The following RNF214 variants were observed in gnomAD, a reference collection of about 807,000 sequenced individuals.
RNF214 encodes the protein ring finger protein 214.
RNF214 carries 25 observed loss-of-function variants against 75.9 expected under a neutral mutation model. The observed-to-expected ratio is 0.33, with a 90% CI of 0.24 to 0.46. The LOEUF (loss-of-function observed/expected upper bound fraction) is 0.46. RNF214 is among the 20% of genes least tolerant of loss of function. RNF214 has a pLI of 1.00. For missense variants in RNF214, 725 were observed against 857.5 expected (o/e 0.85, Z 1.93); for synonymous variants, 314 against 308.8 (o/e 1.02, Z -0.18).
At chr11:117,279,253 G>A (rs2034077466) in intron 6 of RNF214, among the ~76,000 whole-genome samples, 1 of 152,064 alleles carries the variant, frequency 6.6e-6, no homozygotes, top group Non-Finnish European at 1.5e-5. Flanking sequence ...CTTCAATGGA[G>A]GGCTTTTGTT....
chr11:117,262,248 G>A (rs1284390627), intron 6 of RNF214, among the ~76,000 whole-genome samples: 4 of 151,498 alleles, frequency 2.6e-5, no homozygotes, highest in Admixed American at 2.0e-4. Context: ...CACCACGCCC[G>A]GCTAATTTTT....
rs754499333 is a variant in RNF214 at position 117,239,059 on chromosome 11, A to G, written c.566A>G (p.Asp189Gly). The change falls in exon 3 of 15, where the codon GAT becomes GGT. Residue 189 changes from aspartate (D) to glycine (G), a missense_variant. Asp to Gly is a moderately conservative substitution (Grantham distance 94). Transcript: ENST00000300650. ...GTTGAAGGAGTCCGAGTGGATCAGG[A>G]TGATGATCAAGATAGCTCTTCCCTG... ...NGVEGVRVDQDDDQDSSSLKL... is the reference protein window; with the variant it reads ...NGVEGVRVDQGDDQDSSSLKL... 3 of 1,614,026 alleles carry G rather than the reference A, an allele frequency of 1.9e-6. No individual in the cohort carries two copies. The highest frequency in any genetic ancestry group is 2.2e-5 in the South Asian group (2 of 91,088).
rs1484195522 is a variant in RNF214 at position 117,251,317 on chromosome 11, G to A, written c.959+4369G>A. Among the ~76,000 whole-genome samples, 765 of 113,372 alleles carry A rather than the reference G, an allele frequency of 6.7e-3. 1 individual carries two copies. The highest frequency in any genetic ancestry group is 0.01 in the Non-Finnish European group (552 of 53,682). The allele number at this position is 113,372 out of a possible 152,430, so 74.4% of individuals were successfully genotyped here. On this transcript the variant is annotated intron_variant, in intron 6 of 14. Transcript: ENST00000300650. The stretch of plus-strand genomic sequence containing the variant: ...GGGCAGAGGGGCTCCTCACTTCCCA[G>A]TAGGGGCGGCCGGGCAGAGGCGCCC...
intron 6 of RNF214, among the ~76,000 whole-genome samples, chr11:117,265,241 GGTC>G (rs894371183): frequency 2.0e-5 from 3 of 151,800 alleles, no homozygotes; most frequent in African/African-American, 7.3e-5. Context: ...ATTTTAATTT[GGTC>G]GTCTTCTTCC....
intron 8 of RNF214, among the ~76,000 whole-genome samples, chr11:117,280,533 G>T (rs150439414): frequency 6.6e-6 from 1 of 152,222 alleles, no homozygotes; most frequent in South Asian, 2.1e-4. Flanking sequence ...AAAGCCAGAC[G>T]TAATAGCATG....
intron 6 of RNF214, among the ~76,000 whole-genome samples, chr11:117,260,210 C>A (rs1317710122): frequency 1.3e-5 from 2 of 152,002 alleles, no homozygotes. Context: ...CTCACTGTAG[C>A]CTTGAACTCC....
chr11:117,238,416 C>G (rs886089725), intron 2 of RNF214, among the ~76,000 whole-genome samples, 185 bp from the exon 3 acceptor site: 1 of 151,896 alleles, frequency 6.6e-6, no homozygotes, highest in African/African-American at 2.4e-5. Context: ...AAAACAAAAC[C>G]AAAAACAAAA....
rs370965524 is a variant in RNF214, at chr11:117,280,273, C to T, written c.1145+14C>T. 9.8e-6 allele frequency: 15 copies of T among 1,523,688 alleles called. No individual in the cohort carries two copies. Among genetic ancestry groups the T allele is most frequent in the Admixed American group, 1.7e-5 (1 of 58,414 alleles). 94.4% of individuals were successfully genotyped at this position (1,523,688 alleles called of 1,614,324 possible). On this transcript the variant is annotated intron_variant, in intron 8 of 14. Transcript: ENST00000300650. ...TACTTACCTCAAGTAAGTACCTTTC[C>T]GTTCTAGAGCTTTAATTGTTTTGCA...
chr11:117,282,124 T>C lies in RNF214; in HGVS notation c.1566T>C (p.Gly522=), dbSNP rs2034140417. The change falls in exon 11 of 15, where the codon GGT becomes GGC. Residue 522 remains glycine, a synonymous_variant. Transcript: ENST00000300650. ...TGGGTTCCCTTGTCAGCCCCCACGG[T>C]CCACACATGCCCCCTGCCGCCTCCA... The part of the protein sequence containing the change: ...PGLGSLVSPH[G]PHMPPAASIP... 6.2e-7 allele frequency: 1 copy of C among 1,613,816 alleles called. No individual in the cohort carries two copies. The highest frequency in any genetic ancestry group is 8.5e-7 in the Non-Finnish European group (1 of 1,179,970).
chr11:117,283,541 A>G (rs893389340), intron 14 of RNF214, among the ~76,000 whole-genome samples: 1 of 151,828 alleles, frequency 6.6e-6, no homozygotes, highest in Non-Finnish European at 1.5e-5. Context: ...TTGTATTTTT[A>G]GTAGAGACAG....
chr11:117,278,305 A>G (rs1338495655), intron 6 of RNF214, among the ~76,000 whole-genome samples: 1 of 152,188 alleles, frequency 6.6e-6, no homozygotes, highest in Non-Finnish European at 1.5e-5. Context: ...CTCTGTCTCA[A>G]AACAAAACAA....
chr11:117,267,884 ATCT>A (rs1052286797), intron 6 of RNF214, among the ~76,000 whole-genome samples: 62 of 152,204 alleles, frequency 4.1e-4, no homozygotes, highest in African/African-American at 1.3e-3. Context: ...AAAAATGAAA[ATCT>A]TCTTGCATCC....
chr11:117,272,881 A>T (rs1458401398), intron 6 of RNF214, among the ~76,000 whole-genome samples: 10 of 152,162 alleles, frequency 6.6e-5, no homozygotes, highest in African/African-American at 1.9e-4. Flanking sequence ...ACTCTTAGTA[A>T]TTAACAAGGA....
chr11:117,268,696 T>G (rs2033846953), intron 6 of RNF214, among the ~76,000 whole-genome samples: 1 of 152,242 alleles, frequency 6.6e-6, no homozygotes, highest in Non-Finnish European at 1.5e-5. Flanking sequence ...ATATACATTT[T>G]GAAATCAAAT....
At chr11:117,282,577 G>A (rs1467355033) in intron 12 of RNF214, 41 bp downstream of exon 12, 2 of 1,606,518 alleles carry the variant, frequency 1.2e-6, no homozygotes, top group African/African-American at 1.3e-5. Context: ...GCATGTTGAG[G>A]GCTGGGGAAG....
chr11:117,281,478 CT>C (rs57876538), intron 9 of RNF214, 74 bp downstream of exon 9: 2 of 1,402,820 alleles, frequency 1.4e-6, no homozygotes, highest in East Asian at 2.3e-5. Context: ...GGGAGGTAGC[CT>C]TTTGCATTGC....
intron 6 of RNF214, among the ~76,000 whole-genome samples, chr11:117,277,489 AAC>A (rs530802314): frequency 1.6e-4 from 24 of 150,950 alleles, no homozygotes; most frequent in African/African-American, 3.6e-4. Flanking sequence ...ATAAGTGTGT[AAC>A]ACACACACAC....
chr11:117,244,726 C>G lies in RNF214; in HGVS notation c.819+141C>G, dbSNP rs553756795. 4.7e-5 allele frequency: 29 copies of G among 613,554 alleles called. 1 individual carries two copies. Among genetic ancestry groups the G allele is most frequent in the South Asian group, 1.6e-4 (6 of 37,754 alleles). The allele number at this position is 613,554 out of a possible 1,614,324, so 38.0% of individuals were successfully genotyped here. On this transcript the variant is annotated intron_variant, in intron 5 of 14. Coordinates refer to ENST00000300650, the MANE Select transcript of RNF214 (RefSeq NM_207343.4). Reference sequence around the variant, plus strand: ...TGTCACTCAGGCTGGAATGTGGTAGCATAATCTTGGCTCACTGCAGCCTCT... The same window carrying G: ...TGTCACTCAGGCTGGAATGTGGTAGGATAATCTTGGCTCACTGCAGCCTCT...
At chr11:117,257,808 T>C (rs1486818509) in intron 6 of RNF214, among the ~76,000 whole-genome samples, 1 of 152,212 alleles carries the variant, frequency 6.6e-6, no homozygotes, top group African/African-American at 2.4e-5. Context: ...GGGAAATAAA[T>C]GAGAACCAAG....
Sources: gnomAD v4.1 joint callset for allele counts (sites outside exome capture counted in the v4.1 genomes callset) on GRCh38, gnomAD v4.1.1 for gene constraint, MANE v1.5 for transcripts, NCBI Gene and HGNC (gene_info 2026-07-23, HGNC 2026-07-21) for gene names.